Variants in PPFIA2 observed in about 807,000 individuals in gnomAD.
PPFIA2 encodes liprin-alpha-2.
In PPFIA2, 46 loss-of-function variants were observed where a neutral mutation model predicts 175.5. The ratio of observed to expected loss-of-function variants is 0.26; its 90% CI spans 0.21 to 0.34. The LOEUF (loss-of-function observed/expected upper bound fraction) is 0.34, where lower values mean the gene tolerates loss of function less well. Among genes scored for constraint, PPFIA2 ranks in the 10% least tolerant of loss-of-function variants. PPFIA2 has a pLI of 1.00. For missense variants in PPFIA2, 1,179 were observed against 1,506.1 expected, an observed-to-expected ratio of 0.78 and a Z score of 3.60; for synonymous variants, 568 against 511.4, an observed-to-expected ratio of 1.11 and a Z score of -1.49.
intron 4 of PPFIA2, among the ~76,000 whole-genome samples, chr12:81,539,546 C>G (rs907413644): frequency 6.6e-6 from 1 of 151,934 alleles, no homozygotes; most frequent in African/African-American, 2.4e-5. Flanking sequence ...CCTCTTACCC[C>G]ACCCATGCCA....
At chr12:81,595,040 G>A (rs1365395817) in intron 4 of PPFIA2, among the ~76,000 whole-genome samples, 9 of 152,024 alleles carry the variant, frequency 5.9e-5, no homozygotes, top group South Asian at 2.1e-4. Flanking sequence ...ATTTAATTTC[G>A]AGGAAATGAG....
intron 4 of PPFIA2, among the ~76,000 whole-genome samples, chr12:81,534,129 G>A (rs945757609): frequency 5.9e-5 from 9 of 151,596 alleles, no homozygotes; most frequent in South Asian, 2.1e-4. Flanking sequence ...TTTCATGGAG[G>A]TTGAGAGTAG....
chr12:81,594,022 T>A (rs1192450295), intron 4 of PPFIA2, among the ~76,000 whole-genome samples: 1 of 152,098 alleles, frequency 6.6e-6, no homozygotes, highest in African/African-American at 2.4e-5. Flanking sequence ...TCCTGTCAGA[T>A]CAGTGGTGGC....
At chr12:81,679,763 A>G (rs1397118494) in intron 3 of PPFIA2, among the ~76,000 whole-genome samples, 1 of 151,986 alleles carries the variant, frequency 6.6e-6, no homozygotes, top group Non-Finnish European at 1.5e-5. Context: ...GTTGAAAAGG[A>G]GTGTCCTACT....
chr12:81,472,677 C>T (rs891280091), intron 4 of PPFIA2: 1 of 152,130 alleles, frequency 6.6e-6, no homozygotes, highest in Non-Finnish European at 1.5e-5. Flanking sequence ...CTTTTAACAT[C>T]AATAGCATTT....
In PPFIA2 at chr12:81,317,775, T is replaced by C. The variant is rs370251556; in HGVS notation, c.2642+8002A>G. 2.1e-4 allele frequency among the ~76,000 whole-genome samples: 32 copies of C among 151,806 alleles called. No individual in the cohort carries two copies. In the East Asian group the frequency reaches 3.1e-3, roughly 15 times the overall value. On this transcript the variant is annotated intron_variant, in intron 22 of 32. Transcript: ENST00000549396. ...AATACTTACAATATGCCAGCATCTA[T>C]ATGTTAAAAATTCAAAGATTCTCCT...
At chr12:81,379,137 C>A (rs1473916573) in intron 9 of PPFIA2, among the ~76,000 whole-genome samples, 1 of 152,124 alleles carries the variant, frequency 6.6e-6, no homozygotes, top group African/African-American at 2.4e-5. Context: ...TTTTTAACTG[C>A]AGGCTGTGTT....
intron 3 of PPFIA2, among the ~76,000 whole-genome samples, chr12:81,737,882 G>A (rs575929991): frequency 7.0e-4 from 106 of 151,916 alleles, no homozygotes; most frequent in Middle Eastern, 3.4e-3. Context: ...AATAAAGTGA[G>A]AACTAGCATA....
At chr12:81,468,345 G>A (rs549027670) in intron 4 of PPFIA2, among the ~76,000 whole-genome samples, 1 of 152,258 alleles carries the variant, frequency 6.6e-6, no homozygotes, top group East Asian at 1.9e-4. Context: ...GACATTCTAA[G>A]TACATTAGTA....
At chr12:81,410,282 C>T (rs560675059) in intron 7 of PPFIA2, among the ~76,000 whole-genome samples, 1 of 152,252 alleles carries the variant, frequency 6.6e-6, no homozygotes, top group Non-Finnish European at 1.5e-5. Context: ...AACTTAACTC[C>T]GTATCCTTAT....
chr12:81,358,825 A>AT (rs2061227854), intron 15 of PPFIA2, among the ~76,000 whole-genome samples: 1 of 152,042 alleles, frequency 6.6e-6, no homozygotes, highest in South Asian at 2.1e-4. Flanking sequence ...TACCAAAAGG[A>AT]TTTTTTAAGT....
chr12:81,577,459 A>G (rs1298849117), intron 4 of PPFIA2, among the ~76,000 whole-genome samples: 3 of 151,918 alleles, frequency 2.0e-5, no homozygotes, highest in African/African-American at 7.2e-5. Flanking sequence ...CCACCATAAT[A>G]GGAAATATAA....
At chr12:81,567,667 T>C (rs542332367) in intron 4 of PPFIA2, among the ~76,000 whole-genome samples, 3 of 152,304 alleles carry the variant, frequency 2.0e-5, no homozygotes, top group Middle Eastern at 3.4e-3. Flanking sequence ...TGGTTGATGA[T>C]ATGCACTGAT....
At chr12:81,279,986 C>A (rs1005281755) in intron 27 of PPFIA2, among the ~76,000 whole-genome samples, 1 of 152,202 alleles carries the variant, frequency 6.6e-6, no homozygotes, top group Non-Finnish European at 1.5e-5. Context: ...TAATAATGAT[C>A]TTAAAACCTA....
At chr12:81,508,129 A>G (rs2061374525) in intron 4 of PPFIA2, among the ~76,000 whole-genome samples, 1 of 152,156 alleles carries the variant, frequency 6.6e-6, no homozygotes. Flanking sequence ...ATATATAAAT[A>G]TATGTATGCT....
chr12:81,502,827 T>G (rs1220849657), intron 4 of PPFIA2, among the ~76,000 whole-genome samples: 1 of 152,168 alleles, frequency 6.6e-6, no homozygotes, highest in Admixed American at 6.6e-5. Flanking sequence ...TCTAATTTAT[T>G]TGTAATCATT....
At chr12:81,517,560 G>C (rs1247061960) in intron 4 of PPFIA2, among the ~76,000 whole-genome samples, 1 of 152,144 alleles carries the variant, frequency 6.6e-6, no homozygotes, top group Non-Finnish European at 1.5e-5. Context: ...GAACAGGAGC[G>C]ACTGAAATAC....
At chr12:81,531,956 A>T (rs2064635910) in intron 4 of PPFIA2, among the ~76,000 whole-genome samples, 1 of 151,880 alleles carries the variant, frequency 6.6e-6, no homozygotes, top group Non-Finnish European at 1.5e-5. Context: ...ATTAATTAGA[A>T]AATAAGTATA....
At chr12:81,702,226 T>G (rs1183795735) in intron 3 of PPFIA2, among the ~76,000 whole-genome samples, 1 of 151,550 alleles carries the variant, frequency 6.6e-6, no homozygotes, top group African/African-American at 2.4e-5. Context: ...CTGATGTAGT[T>G]CCACACATGC....
Sources: allele counts gnomAD v4.1 joint callset (sites outside exome capture counted in the v4.1 genomes callset), GRCh38; gene constraint gnomAD v4.1.1; transcripts MANE v1.5; gene names NCBI Gene and HGNC (gene_info 2026-07-23, HGNC 2026-07-21).